The following GABRA2 variants were observed in gnomAD, a reference collection of about 807,000 sequenced individuals.
GABRA2 encodes the protein gamma-aminobutyric acid receptor subunit alpha-2.
A neutral mutation model predicts 48.7 loss-of-function variants in GABRA2; 16 were observed. That is an observed-to-expected ratio of 0.33 (90% CI 0.22 to 0.50). GABRA2 has a LOEUF of 0.50. Ranked by LOEUF, GABRA2 falls within the 20% of genes least tolerant of loss-of-function variation. GABRA2 has a pLI of 0.98. For missense variants in GABRA2, 275 were observed against 535.6 expected (o/e 0.51, Z 4.80); for synonymous variants, 185 against 184.5 (o/e 1.00, Z -0.02).
rs543287552 is a variant in GABRA2 at position 46,352,438 on chromosome 4, CA to C, written c.188-19757del. Reference sequence around the variant, plus strand: ...TAATTTATTTTTCCTCTGGTCCTCCCAGAAATAATAATGTCTGCTTCTTCTC... The same window carrying C: ...TAATTTATTTTTCCTCTGGTCCTCCCGAAATAATAATGTCTGCTTCTTCTC... On this transcript the variant is annotated intron_variant, in intron 3 of 9. Coordinates refer to ENST00000381620, the MANE Select transcript of GABRA2 (RefSeq NM_000807.4). Among the ~76,000 whole-genome samples, 809 of 152,006 alleles carry C rather than the reference CA, an allele frequency of 5.3e-3. 4 individuals are homozygous for C. Among genetic ancestry groups the C allele is most frequent in the Non-Finnish European group, 8.2e-3 (554 of 67,948 alleles).
chr4:46,306,248 T>C (rs1726673360), intron 6 of GABRA2, among the ~76,000 whole-genome samples: 4 of 152,202 alleles, frequency 2.6e-5, no homozygotes, highest in Middle Eastern at 3.2e-3. Flanking sequence ...TATACTTGCA[T>C]CAAGTTGCAA....
chr4:46,336,218 TATC>T (rs1458970357), intron 3 of GABRA2, among the ~76,000 whole-genome samples: 3 of 152,188 alleles, frequency 2.0e-5, no homozygotes, highest in African/African-American at 4.8e-5. Flanking sequence ...TTCCAAAATA[TATC>T]ATCAACTTTA....
Position 46,306,235 on chromosome 4 carries a change from C to T in GABRA2, c.560-524G>A, listed in dbSNP as rs950057253. On this transcript the variant is annotated intron_variant, in intron 6 of 9. Transcript: ENST00000381620. The stretch of plus-strand genomic sequence containing the variant: ...ATAGAACATATAAGATAAATAATAA[C>T]GCTATACTTGCATCAAGTTGCAAAT... Among the ~76,000 whole-genome samples the T allele has an allele frequency of 2.8e-4, 42 of 152,182 alleles. No homozygotes were observed. The Middle Eastern group carries it at 0.014, about 49-fold the overall frequency.
rs927477449 is a variant in GABRA2, at chr4:46,248,264, C to T, written c.*2044G>A. Among the ~76,000 whole-genome samples the T allele has an allele frequency of 6.6e-6, 1 of 151,264 alleles. No homozygotes were observed. Among genetic ancestry groups the T allele is most frequent in the South Asian group, 2.1e-4 (1 of 4,818 alleles). ...CATATAGAGCAATTTCATTGCTTGC[C>T]TTCTGGCATTGTGTACTTCCTTATA... is the stretch of plus-strand genomic sequence containing the variant. On this transcript the variant is annotated 3_prime_UTR_variant, in exon 10 of 10. Coordinates refer to ENST00000381620, the MANE Select transcript of GABRA2 (RefSeq NM_000807.4).
rs1343297020 is a variant in GABRA2, at chr4:46,244,697, A to T, written c.*5611T>A. On this transcript the variant is annotated 3_prime_UTR_variant, in exon 10 of 10. Coordinates refer to ENST00000381620, the MANE Select transcript of GABRA2 (RefSeq NM_000807.4). ...ATAAAACTGGCAAAATTAGAAAAAA[A>T]AGGAAATGAAGGAAGTGCTTACTTT... 5.3e-5 allele frequency among the ~76,000 whole-genome samples: 8 copies of T among 151,516 alleles called. No homozygotes were observed. Among genetic ancestry groups the T allele is most frequent in the African/African-American group, 1.9e-4 (8 of 41,406 alleles).
chr4:46,320,547 T>C (rs1320716399), intron 4 of GABRA2, among the ~76,000 whole-genome samples: 1 of 151,902 alleles, frequency 6.6e-6, no homozygotes, highest in Non-Finnish European at 1.5e-5. Context: ...TGATAAGAGA[T>C]TAATATCCAA....
chr4:46,303,163 AG>A (rs1440213903), intron 8 of GABRA2: 3 of 273,678 alleles, frequency 1.1e-5, no homozygotes, highest in South Asian at 7.2e-5. Context: ...AAAAAAAAAA[AG>A]AAAATTCACC....
intron 4 of GABRA2, among the ~76,000 whole-genome samples, chr4:46,322,364 T>A (rs1022469468): frequency 2.0e-5 from 3 of 151,748 alleles, no homozygotes; most frequent in African/African-American, 7.3e-5. Context: ...GGGGGTGAAG[T>A]AAAAACACTC....
At chr4:46,388,581 C>G (rs568548842) in intron 2 of GABRA2, 55 bp downstream of exon 2, 2 of 1,599,366 alleles carry the variant, frequency 1.3e-6, no homozygotes, top group African/African-American at 2.7e-5. Context: ...TAATGGCCTA[C>G]AAGAAACACA....
chr4:46,389,112 AAGGAG>A, intron 1 of GABRA2: 1 of 1,004,270 alleles, frequency 1.0e-6, no homozygotes, highest in Non-Finnish European at 1.2e-6. Flanking sequence ...GAGGGGAGGA[AAGGAG>A]AGGAGAGGAG....
chr4:46,385,762 A>G (rs754443479), intron 3 of GABRA2, among the ~76,000 whole-genome samples: 1 of 152,118 alleles, frequency 6.6e-6, no homozygotes, highest in Non-Finnish European at 1.5e-5. Context: ...ATATACTTTC[A>G]TATGTATATC....
intron 2 of GABRA2, 31 bp downstream of exon 2, chr4:46,388,605 T>C (rs1717796178): frequency 6.2e-7 from 1 of 1,612,450 alleles, no homozygotes; most frequent in Admixed American, 1.7e-5. Context: ...TTGCCCTGAA[T>C]TAAAATAGTC....
At chr4:46,282,306 T>C (rs997889151) in intron 8 of GABRA2, among the ~76,000 whole-genome samples, 3 of 152,172 alleles carry the variant, frequency 2.0e-5, no homozygotes, top group African/African-American at 7.2e-5. Context: ...CCAGGACGAC[T>C]GTATCAGGGA....
chr4:46,336,953 A>T (rs1316187699), intron 3 of GABRA2, among the ~76,000 whole-genome samples: 2 of 152,134 alleles, frequency 1.3e-5, no homozygotes, highest in African/African-American at 4.8e-5. Flanking sequence ...ATTAATGAAA[A>T]ATTGCTTTTT....
chr4:46,318,172 A>G (rs1269525585), intron 4 of GABRA2, among the ~76,000 whole-genome samples: 1 of 151,404 alleles, frequency 6.6e-6, no homozygotes, highest in Non-Finnish European at 1.5e-5. Flanking sequence ...AACCATTTAA[A>G]CATTAATTAC....
Position 46,305,726 on chromosome 4 carries a change from A to G in GABRA2, c.560-15T>C. ...TGTATATGCATCTATAGGAAATCAG[A>G]AAAAATATTTTAAGCATTTTAGTAA... On this transcript the variant is annotated splice_polypyrimidine_tract_variant and intron_variant, in intron 6 of 9. Transcript: ENST00000381620. The G allele has an allele frequency of 6.3e-7, 1 of 1,587,532 alleles. No homozygotes were observed. Among genetic ancestry groups the G allele is most frequent in the Non-Finnish European group, 8.6e-7 (1 of 1,160,292 alleles).
chr4:46,389,991 G>A lies in GABRA2; in HGVS notation c.-267C>T, dbSNP rs537361862. On this transcript the variant is annotated 5_prime_UTR_variant, in exon 1 of 10. Transcript: ENST00000381620. ...GGCGTTCGTAGTGGCGGTGATGGGC[G>A]GAGGAGGAGGAAGAGGAGGAGGAGG... 6.1e-6 allele frequency: 6 copies of A among 980,628 alleles called. No individual in the cohort carries two copies. The Admixed American group carries it at 2.5e-4, about 41-fold the overall frequency. The allele number at this position is 980,628 out of a possible 1,614,324, so 60.7% of individuals were successfully genotyped here. A position where few individuals can be genotyped will look rare whatever the true frequency, so the allele number is the denominator to read the frequency against.
chr4:46,311,397 T>C (rs1251933494), intron 5 of GABRA2, among the ~76,000 whole-genome samples: 1 of 152,204 alleles, frequency 6.6e-6, no homozygotes, highest in Non-Finnish European at 1.5e-5. Flanking sequence ...ATCAAATAAC[T>C]GGAATACGTG....
chr4:46,372,489 A>T (rs921630240), intron 3 of GABRA2, among the ~76,000 whole-genome samples: 3 of 152,014 alleles, frequency 2.0e-5, no homozygotes, highest in Non-Finnish European at 4.4e-5. Flanking sequence ...GAAGGTGATT[A>T]AAAAAAATAA....
Sources: allele counts gnomAD v4.1 joint callset (sites outside exome capture counted in the v4.1 genomes callset), GRCh38; gene constraint gnomAD v4.1.1; transcripts MANE v1.5; gene names NCBI Gene and HGNC (gene_info 2026-07-23, HGNC 2026-07-21).